Variants in CTNNA3 observed in about 807,000 individuals in gnomAD.
CTNNA3 encodes the protein catenin alpha 3.
In CTNNA3, 76 loss-of-function variants were observed where a neutral mutation model predicts 95.7. That is an observed-to-expected ratio of 0.79 (90% CI 0.66 to 0.96). The LOEUF (loss-of-function observed/expected upper bound fraction) is 0.96, where lower values mean the gene tolerates loss of function less well. Ranked by LOEUF, CTNNA3 falls within the 40% of genes least tolerant of loss-of-function variation. The pLI is 0.00. For missense variants in CTNNA3, 1,191 were observed against 1,089.8 expected (o/e 1.09, Z -1.31); for synonymous variants, 431 against 374.4 (o/e 1.15, Z -1.74).
intron 10 of CTNNA3, among the ~76,000 whole-genome samples, chr10:66,558,560 G>T (rs945261125): frequency 2.0e-5 from 3 of 152,044 alleles, no homozygotes; most frequent in African/African-American, 7.2e-5. Context: ...TTCCTACATG[G>T]AAATAAAGGC....
intron 5 of CTNNA3, among the ~76,000 whole-genome samples, chr10:67,418,627 T>A (rs1222050141): frequency 6.6e-6 from 1 of 152,010 alleles, no homozygotes; most frequent in Non-Finnish European, 1.5e-5. Context: ...ATCTGACATA[T>A]GTAGAATCTA....
chr10:67,238,497 G>C (rs531388403), intron 5 of CTNNA3, among the ~76,000 whole-genome samples: 10 of 151,100 alleles, frequency 6.6e-5, no homozygotes, highest in Admixed American at 4.6e-4. Flanking sequence ...ACGCATGCAG[G>C]CTACAGAGTT....
intron 7 of CTNNA3, chr10:67,176,873 G>T: frequency 2.1e-6 from 1 of 471,358 alleles, no homozygotes; most frequent in East Asian, 6.2e-5. Context: ...TCTAGAAACT[G>T]GAAAAGGCAA....
At chr10:66,182,759 TC>T (rs1317162651) in intron 13 of CTNNA3, among the ~76,000 whole-genome samples, 30 of 152,008 alleles carry the variant, frequency 2.0e-4, no homozygotes, top group African/African-American at 6.8e-4. Flanking sequence ...TAATTTAAGA[TC>T]CTAAAATGAA....
At chr10:66,539,117 T>C (rs949320514) in intron 10 of CTNNA3, among the ~76,000 whole-genome samples, 3 of 152,082 alleles carry the variant, frequency 2.0e-5, no homozygotes, top group African/African-American at 7.2e-5. Flanking sequence ...TAATACGACA[T>C]TGGAAATGAG....
intron 10 of CTNNA3, among the ~76,000 whole-genome samples, chr10:66,551,419 G>C (rs1233401250): frequency 2.6e-5 from 4 of 151,940 alleles, no homozygotes; most frequent in African/African-American, 9.7e-5. Context: ...AGAGTTTTAG[G>C]GGTTTATGAT....
upstream of CTNNA3, among the ~76,000 whole-genome samples, chr10:67,697,145 T>C (rs1441502960): frequency 6.6e-6 from 1 of 152,244 alleles, no homozygotes; most frequent in Non-Finnish European, 1.5e-5. Flanking sequence ...ATTTTCAGGA[T>C]AGCCTTCAAA....
At chr10:66,913,406 T>C (rs906453593) in intron 7 of CTNNA3, among the ~76,000 whole-genome samples, 1 of 152,138 alleles carries the variant, frequency 6.6e-6, no homozygotes, top group Non-Finnish European at 1.5e-5. Context: ...AACCTTGGGC[T>C]ACAGTCTTAA....
intron 11 of CTNNA3, among the ~76,000 whole-genome samples, chr10:66,448,274 C>T (rs149393232): frequency 6.6e-6 from 1 of 152,138 alleles, no homozygotes; most frequent in African/African-American, 2.4e-5. Flanking sequence ...TGTAGTGATT[C>T]CACAGGGATC....
chr10:66,587,974 C>T (rs1406504000), intron 10 of CTNNA3, among the ~76,000 whole-genome samples: 1 of 152,158 alleles, frequency 6.6e-6, no homozygotes, highest in East Asian at 1.9e-4. Flanking sequence ...GTTATAATCT[C>T]ATATCTCAGA....
At chr10:66,032,465 T>C (rs966906064) in intron 15 of CTNNA3, among the ~76,000 whole-genome samples, 1 of 152,196 alleles carries the variant, frequency 6.6e-6, no homozygotes, top group Non-Finnish European at 1.5e-5. Flanking sequence ...ATTTAAATAA[T>C]ACTGCAGATT....
chr10:66,174,434 GT>G (rs1394370313), intron 13 of CTNNA3, among the ~76,000 whole-genome samples: 1 of 151,910 alleles, frequency 6.6e-6, no homozygotes, highest in African/African-American at 2.4e-5. Flanking sequence ...TTTAAATTAT[GT>G]GCAAAACACT....
chr10:66,549,410 T>A (rs4746598), intron 10 of CTNNA3, among the ~76,000 whole-genome samples: 6,077 of 152,276 alleles, frequency 0.04, 171 homozygotes, highest in South Asian at 0.068. Flanking sequence ...TTATTATTGA[T>A]CTGAATAGTT....
chr10:66,991,797 T>C (rs1474708178), intron 7 of CTNNA3, among the ~76,000 whole-genome samples: 2 of 152,232 alleles, frequency 1.3e-5, no homozygotes, highest in Non-Finnish European at 2.9e-5. Context: ...GGATATTTTC[T>C]AGTTTTCTAG....
At chr10:67,650,529 C>G (rs1027193493) in intron 1 of CTNNA3, among the ~76,000 whole-genome samples, 1 of 152,146 alleles carries the variant, frequency 6.6e-6, no homozygotes, top group African/African-American at 2.4e-5. Context: ...CCCTTCTCCC[C>G]AAACTATCTT....
chr10:67,207,202 T>C (rs530334529), intron 6 of CTNNA3, among the ~76,000 whole-genome samples: 12 of 152,170 alleles, frequency 7.9e-5, no homozygotes, highest in East Asian at 1.9e-4. Context: ...ATCAATTCCA[T>C]TGACAGATAT....
At chr10:67,394,166 A>C (rs1202246707) in intron 5 of CTNNA3, among the ~76,000 whole-genome samples, 2 of 152,146 alleles carry the variant, frequency 1.3e-5, no homozygotes, top group South Asian at 2.1e-4. Context: ...CACATACACA[A>C]TGTTTACTTT....
At chr10:67,558,815 A>C (rs910742186) in intron 3 of CTNNA3, among the ~76,000 whole-genome samples, 2 of 152,240 alleles carry the variant, frequency 1.3e-5, no homozygotes, top group African/African-American at 4.8e-5. Flanking sequence ...GGCTTAAAAA[A>C]TGGCACGCCA....
chr10:66,580,939 C>T (rs1843164827), intron 10 of CTNNA3, among the ~76,000 whole-genome samples: 1 of 151,812 alleles, frequency 6.6e-6, no homozygotes, highest in South Asian at 2.1e-4. Flanking sequence ...TATTATACCA[C>T]TTGGTATGCC....
Sources: allele counts gnomAD v4.1 joint callset (sites outside exome capture counted in the v4.1 genomes callset), GRCh38; gene constraint gnomAD v4.1.1; transcripts MANE v1.5; gene names NCBI Gene and HGNC (gene_info 2026-07-23, HGNC 2026-07-21).